Variants in MTCH2 observed in about 807,000 individuals in gnomAD.
MTCH2 encodes the protein mitochondrial carrier 2, also known as mitochondrial carrier homolog 2.
Under a neutral mutation model 50.6 loss-of-function variants are expected in MTCH2, and 25 were observed. That is an observed-to-expected ratio of 0.49 (90% confidence interval 0.36 to 0.69). The LOEUF is 0.69. Among genes scored for constraint, MTCH2 ranks in the 30% least tolerant of loss-of-function variants. MTCH2 has a pLI of 0.00. For synonymous variants in MTCH2, 106 were observed against 132.0 expected (o/e 0.80, Z 1.35); for missense variants, 273 against 384.4 (o/e 0.71, Z 2.42).
rs757183794 is a variant in MTCH2 at position 47,630,624 on chromosome 11, C to T, written c.480-10G>A. 3.7e-6 allele frequency: 6 copies of T among 1,602,424 alleles called. No individual in the cohort carries two copies. In the South Asian group the frequency reaches 5.5e-5, roughly 15 times the overall value. On this transcript the variant is annotated splice_polypyrimidine_tract_variant and intron_variant, in intron 7 of 12. Coordinates refer to ENST00000302503, the MANE Select transcript of MTCH2 (RefSeq NM_014342.4). ...GGAATCACAAAGTCCACTACGTACA[C>T]AAGAAGAAAAGGTAAAATATATTAA...
chr11:47,639,578 C>T (rs1338261783), intron 1 of MTCH2, among the ~76,000 whole-genome samples: 5 of 152,164 alleles, frequency 3.3e-5, no homozygotes, highest in African/African-American at 1.2e-4. Flanking sequence ...TGGCTCATGC[C>T]TTGTAATCCC....
At chr11:47,635,684 T>A in intron 3 of MTCH2, 113 bp from the exon 4 acceptor site, 2 of 1,004,720 alleles carry the variant, frequency 2.0e-6, no homozygotes, top group Non-Finnish European at 2.9e-6. Flanking sequence ...TTTTTTAAAG[T>A]TTTTGTTTTT....
chr11:47,630,503 G>C, intron 8 of MTCH2, 52 bp downstream of exon 8: 2 of 1,450,528 alleles, frequency 1.4e-6, no homozygotes, highest in Non-Finnish European at 1.9e-6. Flanking sequence ...CTTACTTTCA[G>C]AAAACGTTTC....
chr11:47,616,577 TCAGCCTCC>T (rs2097288525), downstream of MTCH2, among the ~76,000 whole-genome samples: 1 of 152,072 alleles, frequency 6.6e-6, no homozygotes, highest in Non-Finnish European at 1.5e-5. Context: ...TCCACCTGCC[TCAGCCTCC>T]CAAAGTGTTA....
chr11:47,616,246 G>A (rs1404646486), downstream of MTCH2, among the ~76,000 whole-genome samples: 1 of 152,020 alleles, frequency 6.6e-6, no homozygotes, highest in African/African-American at 2.4e-5. Flanking sequence ...CTCTTCTTAA[G>A]TCAAGGTTTC....
chr11:47,631,920 G>A (rs747360994), intron 5 of MTCH2, among the ~76,000 whole-genome samples: 7 of 152,050 alleles, frequency 4.6e-5, no homozygotes, highest in Non-Finnish European at 1.0e-4. Flanking sequence ...GGATCTCAAT[G>A]TTCTATTATA....
intron 10 of MTCH2, among the ~76,000 whole-genome samples, 153 bp from the exon 11 acceptor site, chr11:47,625,894 A>G (rs2153799105): frequency 1.3e-5 from 2 of 152,316 alleles, no homozygotes; most frequent in East Asian, 1.9e-4. Flanking sequence ...TACAGTTTTG[A>G]GCCTGGAGAT....
At chr11:47,642,307 A>G (rs2097315037) in intron 1 of MTCH2, 72 bp downstream of exon 1, 1 of 1,332,658 alleles carries the variant, frequency 7.5e-7, no homozygotes, top group South Asian at 1.3e-5. Flanking sequence ...GGCTGAGCCG[A>G]TCCTCAGGCG....
intron 1 of MTCH2, among the ~76,000 whole-genome samples, chr11:47,639,711 G>A (rs1428568218): frequency 2.0e-5 from 3 of 151,944 alleles, no homozygotes; most frequent in African/African-American, 7.3e-5. Context: ...AGGGGCGGGC[G>A]CCTGTAATCT....
chr11:47,623,957 C>A (rs993106907), intron 11 of MTCH2, among the ~76,000 whole-genome samples: 5 of 152,110 alleles, frequency 3.3e-5, no homozygotes, highest in African/African-American at 1.2e-4. Flanking sequence ...GAGGCTGAGG[C>A]AGGAGAAGTA....
intron 11 of MTCH2, 91 bp downstream of exon 11, chr11:47,625,583 A>C (rs2153799045): frequency 1.2e-6 from 1 of 811,224 alleles, no homozygotes; most frequent in East Asian, 2.7e-5. Flanking sequence ...ATTGATACTG[A>C]TCATTCATCT....
intron 4 of MTCH2, 67 bp downstream of exon 4, chr11:47,635,478 A>AGGCCCCAAAAGC: frequency 6.5e-7 from 1 of 1,547,094 alleles, no homozygotes. Context: ...TCTCCAAAAG[A>AGGCCCCAAAAGC]GGCCCCAAAA....
chr11:47,628,032 C>G (rs1370175763), intron 9 of MTCH2, among the ~76,000 whole-genome samples: 2 of 152,128 alleles, frequency 1.3e-5, no homozygotes, highest in Non-Finnish European at 2.9e-5. Flanking sequence ...AATTCACTAC[C>G]TTTGTTTTAC....
the MTCH2 span, among the ~76,000 whole-genome samples, chr11:47,606,076 T>G: frequency 1.3e-5 from 2 of 152,240 alleles, no homozygotes; most frequent in Non-Finnish European, 2.9e-5. Flanking sequence ...GCAGCTTTCA[T>G]AGCCACATTG....
At position 47,638,990 on chromosome 11, in the gene MTCH2, T is replaced by C. The variant is rs1461088492; in HGVS notation, c.149A>G (p.Gln50Arg). The change falls in exon 2 of 13, where the codon CAG (glutamine) becomes CGG (arginine). Residue 50 changes from glutamine to arginine, a missense_variant. Physicochemically the swap from Gln to Arg is conservative, Grantham distance 43 (BLOSUM62 1). This residue lies in a region of MTCH2 where 203 missense variants were observed against 244.3 expected (regional missense o/e 0.83). Coordinates refer to ENST00000302503, the MANE Select transcript of MTCH2 (RefSeq NM_014342.4). ...GRNIFGRQVC[Q>R]LPGLFSYAQH... ...ACCATAACTAAAGAGACCAGGAAGC[T>C]GACACACTTGCCGCCCAAAAATATT... is the stretch of plus-strand genomic sequence containing the variant. The C allele has an allele frequency of 6.2e-7, 1 of 1,613,738 alleles. No individual in the cohort carries two copies. Among genetic ancestry groups the C allele is most frequent in the Non-Finnish European group, 8.5e-7 (1 of 1,179,862 alleles).
chr11:47,612,034 A>G, the MTCH2 span, among the ~76,000 whole-genome samples: 2 of 152,188 alleles, frequency 1.3e-5, no homozygotes, highest in Non-Finnish European at 2.9e-5. Context: ...GGAAGCTGTC[A>G]TATGGGGAAG....
At chr11:47,634,799 GTC>G (rs2097307025) in intron 4 of MTCH2, 65 bp from the exon 5 acceptor site, 1 of 1,057,138 alleles carries the variant, frequency 9.5e-7, no homozygotes, top group Non-Finnish European at 1.3e-6. Context: ...TTGAGACAGA[GTC>G]TCGCTCTGTC....
chr11:47,610,000 G>A, the MTCH2 span, among the ~76,000 whole-genome samples: 2 of 152,182 alleles, frequency 1.3e-5, no homozygotes, highest in African/African-American at 2.4e-5. Flanking sequence ...TGGGGAATAG[G>A]GGCATAATGC....
At chr11:47,623,810 A>T (rs1178100994) in intron 11 of MTCH2, among the ~76,000 whole-genome samples, 2 of 152,076 alleles carry the variant, frequency 1.3e-5, no homozygotes, top group East Asian at 3.8e-4. Flanking sequence ...CCAGCACTTT[A>T]GGAGGTCGAG....
Sources: gnomAD v4.1 joint callset for allele counts (sites outside exome capture counted in the v4.1 genomes callset) on GRCh38, gnomAD v4.1.1 for gene constraint, gnomAD v4.1.1 regional missense constraint, MANE v1.5 for transcripts, NCBI Gene and HGNC (gene_info 2026-07-23, HGNC 2026-07-21) for gene names.